PCDHGA12: variants seen among roughly 807,000 people sequenced by gnomAD.
PCDHGA12 encodes protocadherin gamma subfamily A, 12.
PCDHGA12 carries 43 observed loss-of-function variants against 61.1 expected under a neutral mutation model. The observed-to-expected ratio is 0.70, with a 90% CI of 0.55 to 0.91. The LOEUF (loss-of-function observed/expected upper bound fraction) is 0.91. Ranked by LOEUF, PCDHGA12 falls within the 40% of genes least tolerant of loss-of-function variation. PCDHGA12 has a pLI of 0.00. For synonymous variants in PCDHGA12, 520 were observed against 542.9 expected, an observed-to-expected ratio of 0.96 and a Z score of 0.59; for missense variants, 1,236 against 1,227.7, an observed-to-expected ratio of 1.01 and a Z score of -0.10.
At position 141,489,599 on chromosome 5, in the gene PCDHGA12, A is replaced by T; in HGVS notation, c.2425-5208A>T. The T allele has an allele frequency of 6.2e-7, 1 of 1,614,020 alleles. No homozygotes were observed. The highest frequency in any genetic ancestry group is 8.5e-7 in the Non-Finnish European group (1 of 1,179,970). On this transcript the variant is annotated intron_variant, in intron 1 of 3. Coordinates refer to ENST00000252085, the MANE Select transcript of PCDHGA12 (RefSeq NM_003735.3). This position sits in a 1 kb window ranked among gnomAD's most constrained non-coding sequence, Gnocchi z 4.5. ...CACCCCCTGGAGCTAATCCGTGTAGAGGTAGAGATCCTGGATCTCAATGAC... is the reference window on the plus strand; with the variant it reads ...CACCCCCTGGAGCTAATCCGTGTAGTGGTAGAGATCCTGGATCTCAATGAC...
At chr5:141,495,779 C>A (rs529564820) in intron 2 of PCDHGA12, among the ~76,000 whole-genome samples, 53 of 152,094 alleles carry the variant, frequency 3.5e-4, no homozygotes, top group Non-Finnish European at 4.6e-4. Flanking sequence ...TCCTGGACCT[C>A]TTTTCTGTTT....
At chr5:141,484,876 A>C in intron 1 of PCDHGA12, 1 of 315,240 alleles carries the variant, frequency 3.2e-6, no homozygotes, top group Non-Finnish European at 5.8e-6. Flanking sequence ...CGTGGAGGAT[A>C]GGGTGGGCTT....
At chr5:141,475,957 G>A (rs776101269) in intron 1 of PCDHGA12, 148 of 812,416 alleles carry the variant, frequency 1.8e-4, no homozygotes, top group Non-Finnish European at 2.6e-4. Flanking sequence ...CTGCGCCCCG[G>A]GATGAGGCAG....
rs968865313 is a variant in PCDHGA12, at chr5:141,511,294, C to T, written c.*121C>T. 1 of 1,506,752 alleles carries T rather than the reference C, an allele frequency of 6.6e-7. No individual in the cohort carries two copies. Among genetic ancestry groups the T allele is most frequent in the Non-Finnish European group, 8.9e-7 (1 of 1,123,692 alleles). 93.3% of individuals were successfully genotyped at this position (1,506,752 alleles called of 1,614,324 possible). On this transcript the variant is annotated 3_prime_UTR_variant, in exon 4 of 4. Coordinates refer to ENST00000252085, the MANE Select transcript of PCDHGA12 (RefSeq NM_003735.3). ...CCCAGAATACTGGTAGGGGCCAAGG[C>T]CATGCTCCCCTTGGGAAACAGAAAC...
chr5:141,467,095 C>G (rs930625426), intron 1 of PCDHGA12, among the ~76,000 whole-genome samples: 2 of 150,094 alleles, frequency 1.3e-5, no homozygotes, highest in African/African-American at 4.9e-5. Context: ...CTCTGTCACA[C>G]AGGCTGGAGT....
chr5:141,435,804 A>AT (rs2097781092), intron 1 of PCDHGA12, among the ~76,000 whole-genome samples: 1 of 151,814 alleles, frequency 6.6e-6, no homozygotes, highest in Non-Finnish European at 1.5e-5. Flanking sequence ...CGTCCCAATT[A>AT]TTTTTTCTTT....
At chr5:141,510,518 G>A (rs904482737) in intron 3 of PCDHGA12, among the ~76,000 whole-genome samples, 9 of 152,112 alleles carry the variant, frequency 5.9e-5, no homozygotes, top group Non-Finnish European at 1.0e-4. Flanking sequence ...CCGTGTCACA[G>A]CCCTGAGAGA....
intron 1 of PCDHGA12, among the ~76,000 whole-genome samples, chr5:141,464,885 G>T (rs1592925315): frequency 6.6e-6 from 1 of 152,020 alleles, no homozygotes; most frequent in East Asian, 1.9e-4. Flanking sequence ...ACTACAGATG[G>T]ATGCCACCAT....
At chr5:141,475,014 C>G (rs2099358221) in intron 1 of PCDHGA12, among the ~76,000 whole-genome samples, 1 of 152,202 alleles carries the variant, frequency 6.6e-6, no homozygotes, top group South Asian at 2.1e-4. Flanking sequence ...AAAGTTAAGG[C>G]TCTTTATTCT....
intron 1 of PCDHGA12, among the ~76,000 whole-genome samples, chr5:141,456,935 C>T (rs894385178): frequency 5.9e-5 from 9 of 152,178 alleles, no homozygotes; most frequent in African/African-American, 2.2e-4. Context: ...TGCACTCCAG[C>T]CTGGGCAACA....
At chr5:141,472,884 G>A (rs1426207609) in intron 1 of PCDHGA12, among the ~76,000 whole-genome samples, 2 of 151,610 alleles carry the variant, frequency 1.3e-5, no homozygotes, top group African/African-American at 4.8e-5. Flanking sequence ...TACTCGGGAG[G>A]CTGAGGCAGG....
chr5:141,491,014 G>A lies in PCDHGA12; in HGVS notation c.2425-3793G>A, dbSNP rs761902295. On this transcript the variant is annotated intron_variant, in intron 1 of 3. Transcript: ENST00000252085. This position sits in a 1 kb window ranked among gnomAD's most constrained non-coding sequence, Gnocchi z 6.9. ...TCCTCCTGGCTCCTTGGTCACCAAG[G>A]TGACAGCCGTGGATGCTGATGCAGG... 6 of 1,614,134 alleles carry A rather than the reference G, an allele frequency of 3.7e-6. No individual in the cohort carries two copies. Among genetic ancestry groups the A allele is most frequent in the Non-Finnish European group, 4.2e-6 (5 of 1,180,044 alleles).
intron 1 of PCDHGA12, among the ~76,000 whole-genome samples, chr5:141,456,363 G>A (rs1233146015): frequency 6.6e-6 from 1 of 152,098 alleles, no homozygotes; most frequent in African/African-American, 2.4e-5. Flanking sequence ...GTCCATGTGT[G>A]GTTCAGTTTA....
At chr5:141,464,024 G>A (rs2099074308) in intron 1 of PCDHGA12, among the ~76,000 whole-genome samples, 1 of 151,996 alleles carries the variant, frequency 6.6e-6, no homozygotes, top group East Asian at 1.9e-4. Context: ...CCACACTTTG[G>A]GAGGCCAAGG....
chr5:141,503,556 G>A (rs1021346255), intron 2 of PCDHGA12, among the ~76,000 whole-genome samples: 1 of 145,962 alleles, frequency 6.9e-6, no homozygotes, highest in East Asian at 2.0e-4. Context: ...CCGAGATCGC[G>A]CCACTGTACT....
At chr5:141,441,703 A>C (rs1329703451) in intron 1 of PCDHGA12, 2 of 312,092 alleles carry the variant, frequency 6.4e-6, no homozygotes, top group Non-Finnish European at 1.3e-5. Context: ...CGAGCCTTCA[A>C]GCTCACGCTG....
At chr5:141,444,205 CTT>C in intron 1 of PCDHGA12, among the ~76,000 whole-genome samples, 1 of 77,932 alleles carries the variant, frequency 1.3e-5, no homozygotes. Context: ...GAGTTTCACT[CTT>C]GTTGCCCAGG....
chr5:141,504,561 T>G (rs1023434942), intron 2 of PCDHGA12, among the ~76,000 whole-genome samples: 1 of 150,052 alleles, frequency 6.7e-6, no homozygotes, highest in Non-Finnish European at 1.5e-5. Context: ...GGGACTGGCA[T>G]TCTAGGGAAC....
chr5:141,484,788 TAAC>T (rs1245576501), intron 1 of PCDHGA12, among the ~76,000 whole-genome samples: 1 of 151,732 alleles, frequency 6.6e-6, no homozygotes, highest in Non-Finnish European at 1.5e-5. Flanking sequence ...CCCACAGAGA[TAAC>T]AACCCGTGGA....
Sources: gnomAD v4.1 joint callset for allele counts (sites outside exome capture counted in the v4.1 genomes callset) on GRCh38, gnomAD v4.1.1 for gene constraint, Gnocchi (gnomAD v3.1) non-coding constraint, MANE v1.5 for transcripts, NCBI Gene and HGNC (gene_info 2026-07-23, HGNC 2026-07-21) for gene names.